The following NCKAP1 variants were observed in gnomAD, a reference collection of about 807,000 sequenced individuals.
The protein encoded by NCKAP1 is nck-associated protein 1.
A neutral mutation model predicts 151.2 loss-of-function variants in NCKAP1; 21 were observed. The observed-to-expected ratio is 0.14, with a 90% CI of 0.10 to 0.20. The LOEUF is 0.20. Among genes scored for constraint, NCKAP1 ranks in the 10% least tolerant of loss-of-function variants. The pLI, the probability that NCKAP1 is intolerant of heterozygous loss-of-function variation, is 1.00. For synonymous variants in NCKAP1, 484 were observed against 451.8 expected (o/e 1.07, Z -0.90); for missense variants, 933 against 1,352.1 (o/e 0.69, Z 4.86).
Position 182,930,719 on chromosome 2 carries a change from C to T in NCKAP1, c.2929G>A (p.Val977Ile), listed in dbSNP as rs775898947. The T allele has an allele frequency of 7.4e-6, 12 of 1,613,130 alleles. No homozygotes were observed. In the East Asian group the frequency reaches 1.6e-4, roughly 21 times the overall value. ...CCCGATTTTTGTGAAGAAAGAGCTA[C>T]GACCAATGCAGGATCAATCTCACAA... is the stretch of plus-strand genomic sequence containing the variant. ...LPCEIDPALVVALSSQKSENI... is the reference protein window; with the variant it reads ...LPCEIDPALVIALSSQKSENI... The change falls in exon 27 of 31, where the codon GTA becomes ATA. Residue 977 changes from valine to isoleucine, a missense_variant. Val to Ile is a conservative substitution (Grantham distance 29). Transcript: ENST00000361354.
At chr2:182,952,689 T>G in intron 22 of NCKAP1, 104 bp downstream of exon 22, 1 of 1,283,034 alleles carries the variant, frequency 7.8e-7, no homozygotes, top group Non-Finnish European at 1.1e-6. Flanking sequence ...ACGCATATAA[T>G]TGAATGAAAT....
intron 2 of NCKAP1, among the ~76,000 whole-genome samples, chr2:183,004,838 C>G (rs1273270525): frequency 6.8e-6 from 1 of 147,752 alleles, no homozygotes; most frequent in Non-Finnish European, 1.5e-5. Flanking sequence ...AAGCTTAGAT[C>G]GAGCCACTGC....
intron 1 of NCKAP1, 134 bp downstream of exon 1, chr2:183,037,858 G>T: frequency 1.6e-6 from 1 of 635,834 alleles, no homozygotes; most frequent in Non-Finnish European, 2.5e-6. Flanking sequence ...GGCGACCCCG[G>T]GCCGGGCCTC....
rs73046232 is a variant in NCKAP1, at chr2:182,981,433, T to C, written c.1209-57A>G. ...TAATAAATTCATCATTATTAAAGAA[T>C]ATATTCGATGCCCTTAATCTTATTT... is the stretch of plus-strand genomic sequence containing the variant. On this transcript the variant is annotated intron_variant, in intron 12 of 30. Transcript: ENST00000361354. 0.013 allele frequency: 16,871 copies of C among 1,330,110 alleles called. 1,605 individuals are homozygous for C. The African/African-American group carries it at 0.21, about 17-fold the overall frequency. The allele number at this position is 1,330,110 out of a possible 1,614,324, so 82.4% of individuals were successfully genotyped here. A position where few individuals can be genotyped will look rare whatever the true frequency, so the allele number is the denominator to read the frequency against.
chr2:183,021,429 A>G (rs941151296), intron 2 of NCKAP1, among the ~76,000 whole-genome samples: 2 of 152,164 alleles, frequency 1.3e-5, no homozygotes, highest in Non-Finnish European at 2.9e-5. Context: ...GCCAGACCAC[A>G]TCTGGATAAA....
chr2:182,989,415 A>G (rs1056194683), intron 8 of NCKAP1, among the ~76,000 whole-genome samples: 4 of 152,362 alleles, frequency 2.6e-5, no homozygotes, highest in Non-Finnish European at 5.9e-5. Flanking sequence ...ACAAAACGGG[A>G]AAAATGTCAC....
chr2:182,935,571 T>C, intron 24 of NCKAP1, 196 bp from the exon 25 acceptor site: 1 of 413,756 alleles, frequency 2.4e-6, no homozygotes, highest in East Asian at 4.2e-5. Flanking sequence ...GTTAAACTTT[T>C]AAGTAACTAT....
chr2:183,002,910 A>T, intron 4 of NCKAP1, 64 bp downstream of exon 4: 1 of 1,189,030 alleles, frequency 8.4e-7, no homozygotes, highest in South Asian at 1.4e-5. Flanking sequence ...AAAGAAAAGC[A>T]AGTGGTCCCC....
intron 6 of NCKAP1, among the ~76,000 whole-genome samples, chr2:182,996,452 T>G (rs903886291): frequency 6.6e-6 from 1 of 152,182 alleles, no homozygotes; most frequent in Non-Finnish European, 1.5e-5. Context: ...AAAAATTCTG[T>G]AAAGAGTGAT....
intron 1 of NCKAP1, among the ~76,000 whole-genome samples, chr2:183,024,696 G>A (rs1480703168): frequency 6.6e-6 from 1 of 152,124 alleles, no homozygotes; most frequent in Non-Finnish European, 1.5e-5. Context: ...GTTTTATTAC[G>A]TGACATTAAA....
chr2:182,966,627 T>C (rs1186880875), intron 16 of NCKAP1, among the ~76,000 whole-genome samples: 4 of 152,100 alleles, frequency 2.6e-5, no homozygotes, highest in African/African-American at 9.7e-5. Context: ...AGTTGACTTA[T>C]TCATTCAAAG....
At chr2:183,020,337 C>T (rs973901136) in intron 2 of NCKAP1, among the ~76,000 whole-genome samples, 1 of 151,412 alleles carries the variant, frequency 6.6e-6, no homozygotes, top group Non-Finnish European at 1.5e-5. Flanking sequence ...GGTGGTTGTG[C>T]CCCTGTAGTT....
rs1696460772 is a variant in NCKAP1 at position 182,915,989 on chromosome 2, CT to C, written c.*9712del. 6.6e-6 allele frequency: 1 copy of C among 152,002 alleles called. No homozygotes were observed. Among genetic ancestry groups the C allele is most frequent in the Non-Finnish European group, 1.5e-5 (1 of 68,012 alleles). 9.4% of individuals were successfully genotyped at this position (152,002 alleles called of 1,614,324 possible). ...GGCTCAGATTCTGCATCTTCTCCCCCTGACATCCCAGACAAGTGATTTGTCT... is the reference window on the plus strand; with the variant it reads ...GGCTCAGATTCTGCATCTTCTCCCCCGACATCCCAGACAAGTGATTTGTCT... On this transcript the variant is annotated 3_prime_UTR_variant, in exon 31 of 31. Transcript: ENST00000361354.
chr2:183,010,493 A>C (rs988190545), intron 2 of NCKAP1, among the ~76,000 whole-genome samples: 2 of 152,226 alleles, frequency 1.3e-5, no homozygotes, highest in Non-Finnish European at 2.9e-5. Context: ...ATAAGAAACA[A>C]GCTGCTGTCG....
At position 182,961,174 on chromosome 2, in the gene NCKAP1, C is replaced by T. The variant is rs1207378126; in HGVS notation, c.1881+985G>A. ...TCAACCATTGTGGAAGTCAGTGTGG[C>T]GATTCCTCAAGGATCTAGAACTAGA... On this transcript the variant is annotated intron_variant, in intron 18 of 30. Transcript: ENST00000361354. 2.0e-4 allele frequency among the ~76,000 whole-genome samples: 30 copies of T among 152,254 alleles called. No individual in the cohort carries two copies. The East Asian group carries it at 2.5e-3, about 13-fold the overall frequency.
chr2:182,985,640 A>T (rs1193344663), intron 10 of NCKAP1, among the ~76,000 whole-genome samples: 1 of 151,966 alleles, frequency 6.6e-6, no homozygotes, highest in African/African-American at 2.4e-5. Context: ...TGTCTCTACT[A>T]AAAATACAAA....
At chr2:182,995,477 G>GA (rs1180573828) in intron 7 of NCKAP1, among the ~76,000 whole-genome samples, 3 of 151,972 alleles carry the variant, frequency 2.0e-5, no homozygotes, top group Non-Finnish European at 4.4e-5. Context: ...AAACTTTAAA[G>GA]AAAAAAGTAC....
At chr2:182,954,159 G>A (rs1315250189) in intron 20 of NCKAP1, among the ~76,000 whole-genome samples, 7 of 151,998 alleles carry the variant, frequency 4.6e-5, no homozygotes, top group African/African-American at 7.3e-5. Context: ...GGATTTGACC[G>A]CAGATCTGCC....
chr2:182,997,890 G>A (rs1698300728), intron 6 of NCKAP1, among the ~76,000 whole-genome samples: 2 of 152,018 alleles, frequency 1.3e-5, no homozygotes. Flanking sequence ...GAAAACTACA[G>A]GCCAATATCC....
Sources: allele counts gnomAD v4.1 joint callset (sites outside exome capture counted in the v4.1 genomes callset), GRCh38; gene constraint gnomAD v4.1.1; transcripts MANE v1.5; gene names NCBI Gene and HGNC (gene_info 2026-07-23, HGNC 2026-07-21).